Variants in STAG1 observed in about 807,000 individuals in gnomAD.
The protein encoded by STAG1 is cohesin subunit SA-1.
Under a neutral mutation model 170.9 loss-of-function variants are expected in STAG1, and 26 were observed. That is an observed-to-expected ratio of 0.15 (90% confidence interval 0.11 to 0.21). STAG1 has a LOEUF of 0.21. STAG1 is among the 10% of genes least tolerant of loss of function. The pLI is 1.00. For missense variants in STAG1, 964 were observed against 1,509.5 expected, an observed-to-expected ratio of 0.64 and a Z score of 5.99; for synonymous variants, 514 against 497.7, an observed-to-expected ratio of 1.03 and a Z score of -0.44.
chr3:136,741,802 C>T (rs1934686115), intron 1 of STAG1, among the ~76,000 whole-genome samples: 1 of 152,086 alleles, frequency 6.6e-6, no homozygotes, highest in Non-Finnish European at 1.5e-5. Context: ...CGACTATATA[C>T]TACCATCAAA....
chr3:136,626,439 A>C (rs930928056), intron 2 of STAG1, among the ~76,000 whole-genome samples: 12 of 151,646 alleles, frequency 7.9e-5, no homozygotes, highest in African/African-American at 1.9e-4. Context: ...AAAAAAAAAA[A>C]CCAAAAAAAC....
chr3:136,578,438 A>AGAAATCT (rs1286482957), intron 4 of STAG1, among the ~76,000 whole-genome samples: 1 of 152,246 alleles, frequency 6.6e-6, no homozygotes, highest in African/African-American at 2.4e-5. Flanking sequence ...CCTGGTAGGC[A>AGAAATCT]GAAATCTAAC....
chr3:136,752,078 G>GCT (rs1310585613), intron 1 of STAG1, 117 bp downstream of exon 1: 1 of 152,844 alleles, frequency 6.5e-6, no homozygotes, highest in Non-Finnish European at 1.5e-5. Flanking sequence ...CGCCGCTCGC[G>GCT]CTCTCTCGCT....
chr3:136,533,289 T>C (rs978343803), intron 6 of STAG1, among the ~76,000 whole-genome samples: 1 of 152,170 alleles, frequency 6.6e-6, no homozygotes, highest in African/African-American at 2.4e-5. Flanking sequence ...CTCATGCTCA[T>C]GAATCCCAAG....
intron 21 of STAG1, among the ~76,000 whole-genome samples, chr3:136,404,520 G>A (rs905660276): frequency 1.3e-5 from 2 of 152,076 alleles, no homozygotes; most frequent in African/African-American, 2.4e-5. Context: ...GATACTTTAC[G>A]GTTATGGGTG....
chr3:136,619,935 C>T (rs1273162467), intron 3 of STAG1, among the ~76,000 whole-genome samples: 2 of 151,506 alleles, frequency 1.3e-5, no homozygotes, highest in Non-Finnish European at 2.9e-5. Flanking sequence ...TGGTGGCGTG[C>T]GTCTGTAGTC....
In STAG1 at chr3:136,542,067, C is replaced by T. The variant is rs368136154; in HGVS notation, c.471+52G>A. The T allele has an allele frequency of 3.1e-6, 4 of 1,279,290 alleles. No homozygotes were observed. In the African/African-American group the frequency reaches 5.9e-5, roughly 19 times the overall value. 79.2% of individuals were successfully genotyped at this position (1,279,290 alleles called of 1,614,324 possible). On this transcript the variant is annotated intron_variant, in intron 6 of 33. Coordinates refer to ENST00000383202, the MANE Select transcript of STAG1 (RefSeq NM_005862.3). ...CAAAACCTGAGATAATCAACATATT[C>T]ATCATGTGAAAGTATAAGTAAGCAA...
At chr3:136,464,279 C>A (rs1157046414) in intron 13 of STAG1, among the ~76,000 whole-genome samples, 1 of 151,622 alleles carries the variant, frequency 6.6e-6, no homozygotes, top group Non-Finnish European at 1.5e-5. Context: ...CAAAATTAGC[C>A]GGGCAGGGTG....
At position 136,659,576 on chromosome 3, in the gene STAG1, T is replaced by A. The variant is rs539620915; in HGVS notation, c.-83-28595A>T. Among the ~76,000 whole-genome samples, 6 of 152,290 alleles carry A rather than the reference T, an allele frequency of 3.9e-5. No homozygotes were observed. In the South Asian group the frequency reaches 1.2e-3, roughly 32 times the overall value. On this transcript the variant is annotated intron_variant, in intron 1 of 33. Transcript: ENST00000383202. ...AACCAAAGCTCAACACAGCACATTATCCAAATGAAACGGAAAACTCAACTA... is the reference window on the plus strand; with the variant it reads ...AACCAAAGCTCAACACAGCACATTAACCAAATGAAACGGAAAACTCAACTA...
chr3:136,440,845 T>C (rs1209418521), intron 15 of STAG1, among the ~76,000 whole-genome samples: 2 of 151,680 alleles, frequency 1.3e-5, no homozygotes, highest in Non-Finnish European at 2.9e-5. Context: ...CAAAAAAAAT[T>C]AGGCATGGTG....
chr3:136,368,910 G>A (rs913808393), intron 24 of STAG1, among the ~76,000 whole-genome samples, 198 bp downstream of exon 24: 1 of 151,928 alleles, frequency 6.6e-6, no homozygotes, highest in Admixed American at 6.6e-5. Context: ...GGCTGCTCTC[G>A]AACTTCTGGG....
chr3:136,749,414 A>G lies in STAG1; in HGVS notation c.-84+2781T>C, dbSNP rs370409406. On this transcript the variant is annotated intron_variant, in intron 1 of 33. Coordinates refer to ENST00000383202, the MANE Select transcript of STAG1 (RefSeq NM_005862.3). The stretch of plus-strand genomic sequence containing the variant: ...AGAAGATGGGGACTTCAGTCACACT[A>G]TCACAAGGAAATTAATTGTGCCAAC... Among the ~76,000 whole-genome samples the G allele has an allele frequency of 7.9e-5, 12 of 152,310 alleles. No individual in the cohort carries two copies. The East Asian group carries it at 1.9e-3, about 24-fold the overall frequency.
chr3:136,488,770 TAAA>T (rs1007622063), intron 9 of STAG1, among the ~76,000 whole-genome samples: 2 of 152,216 alleles, frequency 1.3e-5, no homozygotes, highest in African/African-American at 4.8e-5. Context: ...CAGTATAAAA[TAAA>T]AATGCAGTGT....
intron 5 of STAG1, among the ~76,000 whole-genome samples, chr3:136,545,578 C>T (rs1006029355): frequency 6.6e-6 from 1 of 151,964 alleles, no homozygotes; most frequent in African/African-American, 2.4e-5. Flanking sequence ...GCAGTGACTA[C>T]ATTTAAGAGT....
At chr3:136,672,665 G>A (rs148347715) in intron 1 of STAG1, among the ~76,000 whole-genome samples, 58 of 152,208 alleles carry the variant, frequency 3.8e-4, no homozygotes, top group African/African-American at 1.4e-3. Flanking sequence ...AACATGATAA[G>A]CATTTAGCCA....
intron 32 of STAG1, 68 bp downstream of exon 32, chr3:136,340,423 A>G: frequency 1.9e-6 from 2 of 1,057,920 alleles, no homozygotes; most frequent in Non-Finnish European, 2.9e-6. Flanking sequence ...TGCCCGGCCT[A>G]AGAGGATCAT....
At chr3:136,373,399 T>C (rs1049133364) in intron 23 of STAG1, among the ~76,000 whole-genome samples, 3 of 152,194 alleles carry the variant, frequency 2.0e-5, no homozygotes, top group African/African-American at 7.2e-5. Flanking sequence ...AGCTTTTGAA[T>C]GTGCTTGCTC....
intron 5 of STAG1, among the ~76,000 whole-genome samples, chr3:136,558,709 T>C (rs1437284775): frequency 4.6e-5 from 7 of 152,192 alleles, no homozygotes; most frequent in Non-Finnish European, 1.0e-4. Context: ...TTCAGAGAAA[T>C]TTGACATCAT....
At chr3:136,624,109 T>C (rs1003878967) in intron 2 of STAG1, among the ~76,000 whole-genome samples, 22 of 150,144 alleles carry the variant, frequency 1.5e-4, no homozygotes, top group Non-Finnish European at 2.4e-4. Context: ...ATTGGAATCT[T>C]TTTTTTTTTG....
Sources: allele counts gnomAD v4.1 joint callset (sites outside exome capture counted in the v4.1 genomes callset), GRCh38; gene constraint gnomAD v4.1.1; transcripts MANE v1.5; gene names NCBI Gene and HGNC (gene_info 2026-07-23, HGNC 2026-07-21).